The following RGS6 variants were observed in gnomAD, a reference collection of about 807,000 sequenced individuals.
RGS6 encodes the protein regulator of G-protein signaling 6.
Under a neutral mutation model 78.5 loss-of-function variants are expected in RGS6, and 30 were observed. The observed-to-expected ratio is 0.38, with a 90% CI of 0.29 to 0.52. The LOEUF (loss-of-function observed/expected upper bound fraction) is 0.52. Ranked by LOEUF, RGS6 falls within the 20% of genes least tolerant of loss-of-function variation. The pLI, the probability that RGS6 is intolerant of heterozygous loss-of-function variation, is 0.85. For missense variants in RGS6, 495 were observed against 609.7 expected (o/e 0.81, Z 1.98); for synonymous variants, 206 against 206.0 (o/e 1.00, Z 0.00).
chr14:72,162,511 C>T lies in RGS6; in HGVS notation c.85-189584C>T, dbSNP rs189832542. ...TGGAGTTGGGGCTAAGGAGGCCAGT[C>T]CAGGAGATGGTCCCTGAGGTAGGAT... On this transcript the variant is annotated intron_variant, in intron 2 of 17. Transcript: ENST00000553525. 2.0e-5 allele frequency among the ~76,000 whole-genome samples: 3 copies of T among 152,168 alleles called. No individual in the cohort carries two copies. The East Asian group carries it at 5.8e-4, about 29-fold the overall frequency.
At chr14:72,475,602 A>G (rs1406526519) in intron 10 of RGS6, among the ~76,000 whole-genome samples, 1 of 152,012 alleles carries the variant, frequency 6.6e-6, no homozygotes, top group Non-Finnish European at 1.5e-5. Flanking sequence ...AGTGGTGCAT[A>G]CCTGTAATCC....
At chr14:72,090,614 C>T (rs567846121) in intron 2 of RGS6, among the ~76,000 whole-genome samples, 5 of 152,294 alleles carry the variant, frequency 3.3e-5, no homozygotes, top group South Asian at 2.1e-4. Flanking sequence ...ATGGACAAAT[C>T]GTATTCCATA....
At chr14:72,403,165 G>A (rs1361356836) in intron 3 of RGS6, among the ~76,000 whole-genome samples, 2 of 152,150 alleles carry the variant, frequency 1.3e-5, no homozygotes, top group Non-Finnish European at 2.9e-5. Context: ...GTTTATCACA[G>A]CACTATTCAC....
intron 2 of RGS6, among the ~76,000 whole-genome samples, chr14:72,187,503 T>C (rs10483842): frequency 0.049 from 7,398 of 152,272 alleles, 231 homozygotes; most frequent in Middle Eastern, 0.1. Flanking sequence ...TGTCTACTTA[T>C]GCGCAGAGAT....
intron 15 of RGS6, among the ~76,000 whole-genome samples, chr14:72,520,886 T>C (rs572422150): frequency 1.3e-5 from 2 of 152,300 alleles, no homozygotes; most frequent in Middle Eastern, 3.4e-3. Flanking sequence ...TTTGACATCA[T>C]CCAAATAGCA....
the RGS6 span, among the ~76,000 whole-genome samples, chr14:71,875,936 T>G: frequency 2.4e-4 from 37 of 152,336 alleles, no homozygotes; most frequent in East Asian, 4.6e-3. Flanking sequence ...TTGTTCAGTT[T>G]CCATGTAGTT....
Position 72,476,771 on chromosome 14 carries a change from G to C in RGS6, c.723G>C (p.Gln241His). 6.2e-7 allele frequency: 1 copy of C among 1,614,164 alleles called. No individual in the cohort carries two copies. Among genetic ancestry groups the C allele is most frequent in the South Asian group, 1.1e-5 (1 of 91,074 alleles). ...TGTATGGCGTGACTGAAGAGTCCCA[G>C]GCACAGAGCCCGGTGCATGTACTCA... ...KSVYGVTEES[Q>H]AQSPVHVLSQ... Residue 241 changes from glutamine to histidine, a missense_variant, in exon 11 of 18, where the codon CAG becomes CAC. Transcript: ENST00000553525.
intron 2 of RGS6, among the ~76,000 whole-genome samples, chr14:72,206,379 G>A (rs77405491): frequency 5.9e-5 from 9 of 152,048 alleles, no homozygotes; most frequent in East Asian, 1.9e-4. Flanking sequence ...GAAGCAAGTC[G>A]TAGAGCAATA....
intron 3 of RGS6, among the ~76,000 whole-genome samples, chr14:72,393,282 G>T (rs1177351998): frequency 1.3e-5 from 2 of 152,180 alleles, no homozygotes; most frequent in Admixed American, 6.5e-5. Context: ...TTAGAATAAA[G>T]GTATTTTGGT....
At chr14:72,585,503 G>A in the RGS6 span, among the ~76,000 whole-genome samples, 1,521 of 152,350 alleles carry the variant, frequency 1.0e-2, 28 homozygotes, top group African/African-American at 0.035. Context: ...CCTCATCCAA[G>A]CCCTCTGGGA....
chr14:72,550,900 C>T (rs866720315), intron 17 of RGS6, among the ~76,000 whole-genome samples: 22 of 151,964 alleles, frequency 1.4e-4, no homozygotes, highest in East Asian at 1.9e-4. Context: ...AGTGCAGTGG[C>T]GCAATCTCAG....
At chr14:72,420,218 A>G (rs544670360) in intron 3 of RGS6, among the ~76,000 whole-genome samples, 7 of 152,338 alleles carry the variant, frequency 4.6e-5, no homozygotes, top group African/African-American at 1.7e-4. Context: ...GGGTCTCACA[A>G]TGCCAGGAGG....
In RGS6 at chr14:71,966,336, T is replaced by C. The variant is rs185976128; in HGVS notation, c.84+1461T>C. 9.2e-5 allele frequency among the ~76,000 whole-genome samples: 14 copies of C among 152,356 alleles called. No homozygotes were observed. The East Asian group carries it at 2.7e-3, about 29-fold the overall frequency. On this transcript the variant is annotated intron_variant, in intron 2 of 17. Coordinates refer to ENST00000553525, the MANE Select transcript of RGS6 (RefSeq NM_001204424.2). The stretch of plus-strand genomic sequence containing the variant: ...TTCTGGCTTTGAGTGTAAGATTCTG[T>C]AATTCTTTGCTTTGCAAGAGAATGT...
chr14:71,898,677 C>T, the RGS6 span, among the ~76,000 whole-genome samples: 2 of 152,116 alleles, frequency 1.3e-5, no homozygotes, highest in East Asian at 1.9e-4. Context: ...TCCTCCCACC[C>T]CCCCGACAGG....
chr14:71,913,129 C>T, the RGS6 span, among the ~76,000 whole-genome samples: 2 of 152,152 alleles, frequency 1.3e-5, no homozygotes, highest in African/African-American at 4.8e-5. Context: ...GCCTGGCCTA[C>T]AGTTCACTTT....
rs35391986 is a variant in RGS6 at position 71,999,866 on chromosome 14, C to CTTT, written c.84+35002_84+35004dup. On this transcript the variant is annotated intron_variant, in intron 2 of 17. Coordinates refer to ENST00000553525, the MANE Select transcript of RGS6 (RefSeq NM_001204424.2). Reference sequence around the variant, plus strand: ...TGCAGTGCATGAGCCAATTAAACCTCTTTTTTTTTTTTTATAAATTACCCA... The same window carrying CTTT: ...TGCAGTGCATGAGCCAATTAAACCTCTTTTTTTTTTTTTTTTATAAATTACCCA... 8.1e-4 allele frequency among the ~76,000 whole-genome samples: 119 copies of CTTT among 146,832 alleles called. 1 individual carries two copies. The highest frequency in any genetic ancestry group is 4.4e-3 in the East Asian group (22 of 5,018).
At chr14:72,216,222 A>G (rs1179141617) in intron 2 of RGS6, among the ~76,000 whole-genome samples, 3 of 152,226 alleles carry the variant, frequency 2.0e-5, no homozygotes, top group African/African-American at 4.8e-5. Flanking sequence ...GACATGCTGC[A>G]TGCCTCACTT....
At chr14:72,144,701 C>T (rs999424604) in intron 2 of RGS6, among the ~76,000 whole-genome samples, 3 of 151,794 alleles carry the variant, frequency 2.0e-5, no homozygotes, top group African/African-American at 7.3e-5. Context: ...GACACCATTC[C>T]TGCTCTTCTA....
chr14:72,128,570 G>A (rs1255317564), intron 2 of RGS6, among the ~76,000 whole-genome samples: 4 of 151,810 alleles, frequency 2.6e-5, no homozygotes, highest in South Asian at 2.1e-4. Flanking sequence ...CTGCCAAGAC[G>A]AATTGTTAGA....
Sources: allele counts gnomAD v4.1 joint callset (sites outside exome capture counted in the v4.1 genomes callset), GRCh38; gene constraint gnomAD v4.1.1; transcripts MANE v1.5; gene names NCBI Gene and HGNC (gene_info 2026-07-23, HGNC 2026-07-21).